DOK6: variants seen among roughly 807,000 people sequenced by gnomAD.
The protein encoded by DOK6 is downstream of tyrosine kinase 6.
DOK6 carries 22 observed loss-of-function variants against 44.0 expected under a neutral mutation model. The observed-to-expected ratio is 0.50, with a 90% CI of 0.36 to 0.71. The LOEUF (loss-of-function observed/expected upper bound fraction) is 0.71, where lower values mean the gene tolerates loss of function less well. Among genes scored for constraint, DOK6 ranks in the 30% least tolerant of loss-of-function variants. The pLI, the probability that DOK6 is intolerant of heterozygous loss-of-function variation, is 0.00. For synonymous variants in DOK6, 166 were observed against 145.5 expected (o/e 1.14, Z -1.01); for missense variants, 340 against 416.4 (o/e 0.82, Z 1.60).
chr18:69,629,094 G>A (rs1430484160), intron 3 of DOK6, among the ~76,000 whole-genome samples: 1 of 152,190 alleles, frequency 6.6e-6, no homozygotes, highest in African/African-American at 2.4e-5. Context: ...CCCATCAGAG[G>A]GAATGTTGGG....
At chr18:69,827,354 T>C (rs1981770996) in intron 7 of DOK6, among the ~76,000 whole-genome samples, 2 of 152,112 alleles carry the variant, frequency 1.3e-5, no homozygotes, top group Non-Finnish European at 2.9e-5. Context: ...CATTTGGACA[T>C]TGTAGCCTTA....
At chr18:69,483,056 G>A (rs1453545904) in intron 1 of DOK6, among the ~76,000 whole-genome samples, 4 of 151,614 alleles carry the variant, frequency 2.6e-5, no homozygotes, top group African/African-American at 4.9e-5. Context: ...TCCACCCTCC[G>A]ACAGGCCCCA....
intron 7 of DOK6, among the ~76,000 whole-genome samples, chr18:69,789,460 C>G (rs756746550): frequency 6.6e-6 from 1 of 151,500 alleles, no homozygotes; most frequent in South Asian, 2.1e-4. Context: ...TGTGTGTATG[C>G]GTGTGTGTTT....
intron 7 of DOK6, among the ~76,000 whole-genome samples, chr18:69,835,096 C>A (rs1982006256): frequency 6.6e-6 from 1 of 152,182 alleles, no homozygotes; most frequent in South Asian, 2.1e-4. Flanking sequence ...CGTCAAGTCT[C>A]TCCCTCAACA....
At chr18:69,488,476 G>A (rs1032648626) in intron 1 of DOK6, among the ~76,000 whole-genome samples, 14 of 152,056 alleles carry the variant, frequency 9.2e-5, no homozygotes, top group African/African-American at 3.4e-4. Flanking sequence ...GTTTTAGTCC[G>A]TTTTAGTACT....
intron 7 of DOK6, among the ~76,000 whole-genome samples, chr18:69,801,804 T>A (rs1041313828): frequency 6.6e-6 from 1 of 152,234 alleles, no homozygotes; most frequent in African/African-American, 2.4e-5. Flanking sequence ...CTGGGCAACC[T>A]AACCCAGGCT....
At chr18:69,451,144 G>A (rs1044139359) in intron 1 of DOK6, among the ~76,000 whole-genome samples, 6 of 149,310 alleles carry the variant, frequency 4.0e-5, no homozygotes, top group South Asian at 2.2e-4. Context: ...AGACCCATCA[G>A]TGTGCTGTAT....
chr18:69,463,505 T>A (rs1979842913), intron 1 of DOK6, among the ~76,000 whole-genome samples: 1 of 152,188 alleles, frequency 6.6e-6, no homozygotes, highest in Admixed American at 6.5e-5. Flanking sequence ...AATGTTTTCT[T>A]TTATGCAAAA....
intron 3 of DOK6, among the ~76,000 whole-genome samples, chr18:69,675,111 C>G (rs1985890931): frequency 6.6e-6 from 1 of 152,114 alleles, no homozygotes; most frequent in Non-Finnish European, 1.5e-5. Flanking sequence ...TGGTAGGAGC[C>G]CATGAATACC....
intron 7 of DOK6, chr18:69,832,881 G>A (rs1568139570): frequency 6.6e-6 from 1 of 151,800 alleles, no homozygotes; most frequent in Non-Finnish European, 1.5e-5. Context: ...TTACAACAAG[G>A]GACAATATAA....
chr18:69,490,411 C>T (rs1980702835), intron 1 of DOK6, among the ~76,000 whole-genome samples: 1 of 152,154 alleles, frequency 6.6e-6, no homozygotes, highest in East Asian at 1.9e-4. Context: ...AAAGAAAAAA[C>T]TTTAACACTG....
At chr18:69,523,895 T>G (rs1981757192) in intron 1 of DOK6, among the ~76,000 whole-genome samples, 1 of 152,018 alleles carries the variant, frequency 6.6e-6, no homozygotes, top group South Asian at 2.1e-4. Flanking sequence ...TACAAATGCA[T>G]TCTCAGAGCA....
Position 69,698,610 on chromosome 18 carries a change from C to T in DOK6, c.599+17C>T, listed in dbSNP as rs780301153. 1 of 1,607,272 alleles carries T rather than the reference C, an allele frequency of 6.2e-7. No individual in the cohort carries two copies. Among genetic ancestry groups the T allele is most frequent in the South Asian group, 1.1e-5 (1 of 89,888 alleles). On this transcript the variant is annotated intron_variant, in intron 5 of 7. Coordinates refer to ENST00000382713, the MANE Select transcript of DOK6 (RefSeq NM_152721.6). ...GTCAGGAAGGTAAGATCTAGTGCAG[C>T]AGCCAAGTGCAGGAGTTGTCTGTAT... is the stretch of plus-strand genomic sequence containing the variant.
At chr18:69,675,309 T>C (rs957281082) in intron 3 of DOK6, among the ~76,000 whole-genome samples, 1 of 152,220 alleles carries the variant, frequency 6.6e-6, no homozygotes, top group African/African-American at 2.4e-5. Flanking sequence ...TTCTTAAATG[T>C]CTGGGCATGC....
chr18:69,649,693 G>C (rs1191572686), intron 3 of DOK6, among the ~76,000 whole-genome samples: 1 of 152,050 alleles, frequency 6.6e-6, no homozygotes, highest in Non-Finnish European at 1.5e-5. Flanking sequence ...TCAATGCATG[G>C]AAATCAAGGA....
chr18:69,401,958 A>G (rs984223914), intron 1 of DOK6, among the ~76,000 whole-genome samples: 3 of 152,082 alleles, frequency 2.0e-5, no homozygotes, highest in South Asian at 2.1e-4. Context: ...ACCTTTCCCT[A>G]TTCTTGAGAG....
intron 1 of DOK6, among the ~76,000 whole-genome samples, chr18:69,460,941 G>A (rs1177784571): frequency 6.6e-6 from 1 of 152,118 alleles, no homozygotes; most frequent in Non-Finnish European, 1.5e-5. Context: ...GTGTGTGTGT[G>A]CACGTGCAAA....
intron 3 of DOK6, among the ~76,000 whole-genome samples, chr18:69,635,835 T>G (rs1481664153): frequency 6.6e-6 from 1 of 152,258 alleles, no homozygotes; most frequent in Non-Finnish European, 1.5e-5. Flanking sequence ...CTTTGGATTT[T>G]GGAAACAACA....
At chr18:69,818,320 T>C (rs919806308) in intron 7 of DOK6, among the ~76,000 whole-genome samples, 1 of 152,120 alleles carries the variant, frequency 6.6e-6, no homozygotes, top group Admixed American at 6.6e-5. Flanking sequence ...CTGAGTTTGT[T>C]CTCCGTGGAC....
Sources: gnomAD v4.1 joint callset for allele counts (sites outside exome capture counted in the v4.1 genomes callset) on GRCh38, gnomAD v4.1.1 for gene constraint, MANE v1.5 for transcripts, NCBI Gene and HGNC (gene_info 2026-07-23, HGNC 2026-07-21) for gene names.